Variants in DST observed in about 807,000 individuals in gnomAD.
DST encodes the protein bullous pemphigoid antigen.
DST carries 253 observed loss-of-function variants against 875.2 expected under a neutral mutation model. The ratio of observed to expected loss-of-function variants is 0.29; its 90% confidence interval spans 0.26 to 0.32. The LOEUF (loss-of-function observed/expected upper bound fraction) is 0.32, where lower values mean the gene tolerates loss of function less well. DST is among the 10% of genes least tolerant of loss of function. The probability of loss-of-function intolerance (pLI) is 1.00; values close to 1 mark genes in which losing one functional copy is unlikely to be tolerated. For missense variants in DST, 8,287 were observed against 9,111.6 expected, an observed-to-expected ratio of 0.91 and a Z score of 3.68; for synonymous variants, 3,124 against 3,197.1, an observed-to-expected ratio of 0.98 and a Z score of 0.77.
At chr6:56,879,092 A>G (rs954235187) in intron 3 of DST, among the ~76,000 whole-genome samples, 61 of 152,254 alleles carry the variant, frequency 4.0e-4, no homozygotes, top group Middle Eastern at 3.4e-3. Context: ...GATTATACAC[A>G]AAAAAATGTG....
At chr6:56,723,035 G>A (rs922260303) in intron 5 of DST, among the ~76,000 whole-genome samples, 1 of 152,188 alleles carries the variant, frequency 6.6e-6, no homozygotes, top group African/African-American at 2.4e-5. Flanking sequence ...TAAAGGAAAT[G>A]GAACTATCTG....
intron 10 of DST, among the ~76,000 whole-genome samples, chr6:56,660,648 G>A (rs1381038463): frequency 1.3e-5 from 2 of 149,028 alleles, no homozygotes; most frequent in African/African-American, 4.9e-5. Context: ...AAAGGCCTGC[G>A]TAACTCAGTG....
chr6:56,812,101 CA>C (rs375166145), intron 4 of DST, among the ~76,000 whole-genome samples: 2 of 14,842 alleles, frequency 1.3e-4, no homozygotes, highest in African/African-American at 2.3e-4. Flanking sequence ...GACTCTGACT[CA>C]AAAAAAAAAA....
At chr6:56,550,049 G>T (rs1421909326) in intron 61 of DST, among the ~76,000 whole-genome samples, 1 of 152,066 alleles carries the variant, frequency 6.6e-6, no homozygotes, top group Non-Finnish European at 1.5e-5. Flanking sequence ...TTAAAATAGT[G>T]CTTGACACAT....
intron 102 of DST, 91 bp downstream of exon 102, chr6:56,462,955 C>A: frequency 1.5e-6 from 1 of 687,984 alleles, no homozygotes; most frequent in Non-Finnish European, 2.5e-6. Context: ...TAGCAAAGTA[C>A]ATATATTTAG....
chr6:56,644,646 G>A (rs2098931689), intron 15 of DST, among the ~76,000 whole-genome samples: 1 of 152,178 alleles, frequency 6.6e-6, no homozygotes, highest in South Asian at 2.1e-4. Flanking sequence ...GGAAACATGA[G>A]AGTTCTAAGC....
chr6:56,459,993 G>A (rs1562124670), intron 103 of DST, 138 bp downstream of exon 103: 4 of 1,042,582 alleles, frequency 3.8e-6, no homozygotes, highest in Non-Finnish European at 5.3e-6. Context: ...AACTTTTGGA[G>A]GACTGGGGCT....
chr6:56,931,698 CAGA>C (rs1000239286), intron 2 of DST, among the ~76,000 whole-genome samples: 1 of 152,214 alleles, frequency 6.6e-6, no homozygotes, highest in African/African-American at 2.4e-5. Context: ...CCTGGAGTCA[CAGA>C]AGATCATTTC....
At chr6:56,657,059 G>A (rs1282122294) in intron 10 of DST, among the ~76,000 whole-genome samples, 1 of 152,100 alleles carries the variant, frequency 6.6e-6, no homozygotes, top group African/African-American at 2.4e-5. Context: ...TCCCTCAGGT[G>A]ATTCGTATCA....
Position 56,472,083 on chromosome 6 carries a change from A to C in DST, c.22134T>G (p.Asn7378Lys). ...CCTCCTCTAGTCTGTCCAAGGCATC[A>C]TTGAGTTTCCTCCTTCTTTCCAACG... ...LLALERRRKL[N>K]DALDRLEELR... The change falls in exon 94 of 104, where the codon AAT becomes AAG. Residue 7378 changes from asparagine to lysine, a missense_variant. Asn to Lys is a moderately conservative substitution (Grantham distance 94). Around this residue, in one of 10 missense-constraint regions of DST, gnomAD observed 1,292 missense variants for 1,552.7 expected, o/e 0.83. Transcript: ENST00000680361. 5.6e-6 allele frequency: 9 copies of C among 1,613,954 alleles called. No homozygotes were observed. The highest frequency in any genetic ancestry group is 7.6e-6 in the Non-Finnish European group (9 of 1,179,850).
chr6:56,477,575 AC>A, intron 90 of DST, 87 bp from the exon 91 acceptor site: 2 of 1,532,608 alleles, frequency 1.3e-6, no homozygotes, highest in Non-Finnish European at 1.8e-6. Flanking sequence ...CCAGAATTAA[AC>A]AAATAAACAA....
chr6:56,853,261 A>G (rs1436779882), intron 3 of DST, among the ~76,000 whole-genome samples: 1 of 152,190 alleles, frequency 6.6e-6, no homozygotes, highest in Non-Finnish European at 1.5e-5. Context: ...ACTTGAGGCA[A>G]AAAGTAAATA....
intron 4 of DST, among the ~76,000 whole-genome samples, chr6:56,740,089 C>T (rs2099541193): frequency 6.6e-6 from 1 of 152,166 alleles, no homozygotes; most frequent in Admixed American, 6.5e-5. Context: ...CTCCTGACCT[C>T]AGGTGATCCT....
intron 4 of DST, among the ~76,000 whole-genome samples, chr6:56,774,113 C>CA (rs59394529): frequency 0.02 from 1,508 of 75,906 alleles, 34 homozygotes; most frequent in South Asian, 0.043. Flanking sequence ...GATTCTGTCT[C>CA]AAAAAAAAAA....
chr6:56,697,433 T>C (rs1164458171), intron 9 of DST, among the ~76,000 whole-genome samples: 1 of 152,130 alleles, frequency 6.6e-6, no homozygotes, highest in African/African-American at 2.4e-5. Context: ...AAAAAACGAT[T>C]TGAGAATCAG....
At chr6:56,851,880 G>T (rs1285346085) in intron 3 of DST, 1 of 1,549,914 alleles carries the variant, frequency 6.5e-7, no homozygotes, top group Non-Finnish European at 8.7e-7. Flanking sequence ...GTGGCCTGTG[G>T]TCCGGCCACC....
intron 62 of DST, 96 bp from the exon 63 acceptor site, chr6:56,535,388 G>A (rs539809190): frequency 5.9e-6 from 8 of 1,359,016 alleles, no homozygotes; most frequent in Non-Finnish European, 7.7e-6. Context: ...TTTCCCGTGT[G>A]GTCACAAATT....
chr6:56,779,754 T>G (rs1042536347), intron 4 of DST, among the ~76,000 whole-genome samples: 1 of 151,542 alleles, frequency 6.6e-6, no homozygotes, highest in Non-Finnish European at 1.5e-5. Flanking sequence ...CTTTAAGTTT[T>G]AGGGTACATG....
At chr6:56,485,569 A>T in intron 87 of DST, 98 bp from the exon 88 acceptor site, 3 of 1,185,782 alleles carry the variant, frequency 2.5e-6, no homozygotes, top group Non-Finnish European at 3.6e-6. Flanking sequence ...GTGGTACTCA[A>T]GGGGAAGAGC....
Sources: gnomAD v4.1 joint callset for allele counts (sites outside exome capture counted in the v4.1 genomes callset) on GRCh38, gnomAD v4.1.1 for gene constraint, gnomAD v4.1.1 regional missense constraint, MANE v1.5 for transcripts, NCBI Gene and HGNC (gene_info 2026-07-23, HGNC 2026-07-21) for gene names.